BACE2: variants seen among roughly 807,000 people sequenced by gnomAD.
BACE2 encodes the protein 56 kDa aspartic-like protease.
BACE2 carries 17 observed loss-of-function variants against 46.2 expected under a neutral mutation model. The ratio of observed to expected loss-of-function variants is 0.37; its 90% CI spans 0.25 to 0.55. The LOEUF (loss-of-function observed/expected upper bound fraction) is 0.55. BACE2 is among the 20% of genes least tolerant of loss of function. BACE2 has a pLI of 0.82. For synonymous variants in BACE2, 277 were observed against 295.9 expected, an observed-to-expected ratio of 0.94 and a Z score of 0.66; for missense variants, 595 against 698.1, an observed-to-expected ratio of 0.85 and a Z score of 1.66.
chr21:41,169,510 C>T (rs1984523279), intron 1 of BACE2, among the ~76,000 whole-genome samples: 1 of 149,796 alleles, frequency 6.7e-6, no homozygotes, highest in Non-Finnish European at 1.5e-5. Context: ...CTGTCTAATC[C>T]AAGTGGGATT....
intron 2 of BACE2, among the ~76,000 whole-genome samples, chr21:41,228,136 C>T (rs1025422285): frequency 3.3e-5 from 5 of 152,200 alleles, no homozygotes; most frequent in African/African-American, 1.2e-4. Flanking sequence ...GGTCATATGA[C>T]TTATCTACAT....
chr21:41,206,457 T>G (rs573179978), intron 1 of BACE2, among the ~76,000 whole-genome samples: 1 of 152,194 alleles, frequency 6.6e-6, no homozygotes, highest in East Asian at 1.9e-4. Context: ...TTATTCAGCC[T>G]TAAAAAGGAA....
chr21:41,245,996 C>T lies in BACE2; in HGVS notation c.917C>T (p.Thr306Ile). Reference protein sequence around the residue: ...NADKAIVDSGTTLLRLPQKVF... With the variant: ...NADKAIVDSGITLLRLPQKVF... ...GACAAGGCCATCGTGGACAGTGGCA[C>T]CACGCTGCTGCGCCTGCCCCAGAAG... Residue 306 changes from threonine to isoleucine, a missense_variant, in exon 6 of 9, where the codon ACC (threonine) becomes ATC (isoleucine). Thr to Ile is a moderately conservative substitution (Grantham distance 89). Coordinates refer to ENST00000330333, the MANE Select transcript of BACE2 (RefSeq NM_012105.5). 6.2e-7 allele frequency: 1 copy of T among 1,611,284 alleles called. No individual in the cohort carries two copies. Among genetic ancestry groups the T allele is most frequent in the Non-Finnish European group, 8.5e-7 (1 of 1,178,864 alleles).
chr21:41,249,428 C>G (rs1049133811), intron 6 of BACE2, among the ~76,000 whole-genome samples: 1 of 152,208 alleles, frequency 6.6e-6, no homozygotes, highest in Non-Finnish European at 1.5e-5. Context: ...CACATGTACA[C>G]TTGGACACGT....
intron 1 of BACE2, among the ~76,000 whole-genome samples, chr21:41,198,612 C>G (rs994832195): frequency 2.6e-5 from 4 of 152,222 alleles, no homozygotes; most frequent in African/African-American, 7.2e-5. Flanking sequence ...CAACAGGGGT[C>G]TCCATGCAGT....
intron 7 of BACE2, chr21:41,252,445 AC>A (rs1987668221): frequency 6.6e-6 from 1 of 152,096 alleles, no homozygotes; most frequent in African/African-American, 2.4e-5. Flanking sequence ...GAGCAGAATA[AC>A]CCATTTGTGA....
At chr21:41,233,034 A>G (rs1987010152) in intron 2 of BACE2, among the ~76,000 whole-genome samples, 4 of 151,996 alleles carry the variant, frequency 2.6e-5, no homozygotes, top group Admixed American at 2.0e-4. Context: ...ACACTTGGCT[A>G]ATTTTTTGTA....
At chr21:41,223,612 A>G (rs1054678285) in intron 1 of BACE2, among the ~76,000 whole-genome samples, 1 of 152,150 alleles carries the variant, frequency 6.6e-6, no homozygotes, top group Non-Finnish European at 1.5e-5. Flanking sequence ...GACGCCTGTG[A>G]TACTGGATTA....
In BACE2 at chr21:41,243,062, C is replaced by T. The variant is rs199960151; in HGVS notation, c.748-314C>T. Among the ~76,000 whole-genome samples the T allele has an allele frequency of 4.1e-4, 62 of 152,148 alleles. 1 individual carries two copies. Among genetic ancestry groups the T allele is most frequent in the Middle Eastern group, 3.4e-3 (1 of 294 alleles). On this transcript the variant is annotated intron_variant, in intron 4 of 8. Coordinates refer to ENST00000330333, the MANE Select transcript of BACE2 (RefSeq NM_012105.5). ...CTGAGAAGCTGGGACTACAGGTGCG[C>T]GCCACCTTGCCCGGCTAATTTTTGT...
At chr21:41,273,056 G>A (rs868195523) in intron 8 of BACE2, among the ~76,000 whole-genome samples, 1 of 152,168 alleles carries the variant, frequency 6.6e-6, no homozygotes, top group Non-Finnish European at 1.5e-5. Context: ...GATGCCCCCT[G>A]AGCTGCAAAA....
intron 2 of BACE2, chr21:41,236,582 T>C (rs1987125324): frequency 6.6e-6 from 1 of 152,250 alleles, no homozygotes; most frequent in African/African-American, 2.4e-5. Flanking sequence ...TGCCCATATT[T>C]TGGTGAGAGT....
intron 8 of BACE2, among the ~76,000 whole-genome samples, chr21:41,258,679 T>G (rs889808649): frequency 1.3e-5 from 2 of 150,440 alleles, no homozygotes; most frequent in African/African-American, 4.9e-5. Flanking sequence ...AAGATTGCAG[T>G]GGACTATTAG....
At chr21:41,205,096 C>G (rs572846056) in intron 1 of BACE2, among the ~76,000 whole-genome samples, 1 of 152,282 alleles carries the variant, frequency 6.6e-6, no homozygotes, top group African/African-American at 2.4e-5. Context: ...TTGGGCTGAT[C>G]AGATCCCATG....
chr21:41,179,898 C>A, intron 1 of BACE2: 1 of 377,306 alleles, frequency 2.7e-6, no homozygotes, highest in Non-Finnish European at 5.4e-6. Flanking sequence ...GCAGGACAGG[C>A]GAGCCCTAAG....
rs765090013 is a variant in BACE2 at position 41,168,372 on chromosome 21, G to A, written c.109G>A (p.Ala37Thr). ...CTTCACGCTGCCCCTCCGGGTGGCC[G>A]CGGCCACGAACCGCGTAGTTGCGCC... ...APFTLPLRVA[A>T]ATNRVVAPTP... The change falls in exon 1 of 9, where the codon GCG becomes ACG. Residue 37 changes from alanine (A) to threonine (T), a missense_variant. Physicochemically the swap from Ala to Thr is moderately conservative, Grantham distance 58. Around this residue, in one of 3 missense-constraint regions of BACE2, gnomAD observed 248 missense variants for 261.4 expected, o/e 0.95. Transcript: ENST00000330333. 5 of 1,396,698 alleles carry A rather than the reference G, an allele frequency of 3.6e-6. No homozygotes were observed. Among genetic ancestry groups the A allele is most frequent in the Middle Eastern group, 2.6e-4 (1 of 3,876 alleles). The allele number at this position is 1,396,698 out of a possible 1,614,324, so 86.5% of individuals were successfully genotyped here.
chr21:41,220,298 G>A (rs539726511), intron 1 of BACE2, among the ~76,000 whole-genome samples: 32 of 152,214 alleles, frequency 2.1e-4, no homozygotes, highest in Middle Eastern at 6.8e-3. Flanking sequence ...TGGAAGCTTC[G>A]TTATGTAGAC....
rs115909928 is a variant in BACE2, at chr21:41,206,662, C to T, written c.313-19604C>T. On this transcript the variant is annotated intron_variant, in intron 1 of 8. Transcript: ENST00000330333. Reference sequence around the variant, plus strand: ...GAGTGAGGAGTTGTTTAATGGGTAACGGGTTTCAGTTTTGTAAAATGAAGT... The same window carrying T: ...GAGTGAGGAGTTGTTTAATGGGTAATGGGTTTCAGTTTTGTAAAATGAAGT... 8.8e-3 allele frequency among the ~76,000 whole-genome samples: 1,340 copies of T among 152,210 alleles called. 23 individuals carry two copies. Among genetic ancestry groups the T allele is most frequent in the African/African-American group, 0.031 (1,290 of 41,514 alleles).
chr21:41,187,018 G>C (rs1444889709), intron 1 of BACE2, among the ~76,000 whole-genome samples: 1 of 152,238 alleles, frequency 6.6e-6, no homozygotes, highest in African/African-American at 2.4e-5. Context: ...ACCTGTTTTA[G>C]CTAGTGCTCA....
At position 41,251,205 on chromosome 21, in the gene BACE2, C is replaced by T. The variant is rs896786525; in HGVS notation, c.1134+304C>T. Among the ~76,000 whole-genome samples the T allele has an allele frequency of 2.6e-5, 4 of 152,166 alleles. No homozygotes were observed. In the South Asian group the frequency reaches 6.2e-4, roughly 24 times the overall value. On this transcript the variant is annotated intron_variant, in intron 7 of 8. Coordinates refer to ENST00000330333, the MANE Select transcript of BACE2 (RefSeq NM_012105.5). ...AGGTGGATGGAGGAACAGAGCCATG[C>T]GTTTCTCTCCATTCAGTGTCTGAGT...
Sources: allele counts gnomAD v4.1 joint callset (sites outside exome capture counted in the v4.1 genomes callset), GRCh38; gene constraint gnomAD v4.1.1; regional missense constraint gnomAD v4.1.1; transcripts MANE v1.5; gene names NCBI Gene and HGNC (gene_info 2026-07-23, HGNC 2026-07-21).